The following ATP2C1 variants were observed in gnomAD, a reference collection of about 807,000 sequenced individuals.
ATP2C1 encodes calcium-transporting ATPase type 2C member 1.
ATP2C1 carries 31 observed loss-of-function variants against 120.5 expected under a neutral mutation model. That is an observed-to-expected ratio of 0.26 (90% CI 0.19 to 0.35). ATP2C1 has a LOEUF of 0.35. Among genes scored for constraint, ATP2C1 ranks in the 10% least tolerant of loss-of-function variants. The probability of loss-of-function intolerance (pLI) is 1.00; values close to 1 mark genes in which losing one functional copy is unlikely to be tolerated. For synonymous variants in ATP2C1, 351 were observed against 358.7 expected (o/e 0.98, Z 0.24); for missense variants, 731 against 1,107.5 (o/e 0.66, Z 4.83).
chr3:130,976,691 A>T (rs764719721), intron 18 of ATP2C1, among the ~76,000 whole-genome samples: 2 of 152,190 alleles, frequency 1.3e-5, no homozygotes, highest in Non-Finnish European at 2.9e-5. Context: ...CATGCCCTGG[A>T]TCCCCCCACC....
intron 26 of ATP2C1, among the ~76,000 whole-genome samples, chr3:131,010,712 T>A (rs933023234): frequency 2.6e-5 from 4 of 152,242 alleles, no homozygotes; most frequent in Admixed American, 2.6e-4. Context: ...TGGCTACGGC[T>A]GGAGTTGCTA....
At chr3:130,888,356 G>A (rs2069049260) in intron 1 of ATP2C1, among the ~76,000 whole-genome samples, 1 of 152,170 alleles carries the variant, frequency 6.6e-6, no homozygotes, top group South Asian at 2.1e-4. Context: ...TACCACCCTA[G>A]TCCAGTGGCT....
At chr3:130,924,797 T>G (rs374687467) in intron 2 of ATP2C1, among the ~76,000 whole-genome samples, 16 of 152,054 alleles carry the variant, frequency 1.1e-4, no homozygotes, top group East Asian at 5.8e-4. Context: ...CTTGGCAGAT[T>G]GGGTTAATTC....
At chr3:131,013,457 T>A (rs1323078260) in intron 26 of ATP2C1, among the ~76,000 whole-genome samples, 2 of 152,254 alleles carry the variant, frequency 1.3e-5, no homozygotes, top group African/African-American at 2.4e-5. Flanking sequence ...TCTCACTGTT[T>A]CCTCCTTCTC....
intron 1 of ATP2C1, among the ~76,000 whole-genome samples, chr3:130,865,663 A>T (rs2068150566): frequency 6.6e-6 from 1 of 152,168 alleles, no homozygotes; most frequent in Non-Finnish European, 1.5e-5. Context: ...ACAAGGTCTG[A>T]TGGGTTTATC....
chr3:130,957,638 C>G (rs1459676728), intron 11 of ATP2C1, among the ~76,000 whole-genome samples: 2 of 152,092 alleles, frequency 1.3e-5, no homozygotes, highest in African/African-American at 4.8e-5. Context: ...CCTCCACCTC[C>G]TGGGGTTCAA....
intron 26 of ATP2C1, 101 bp downstream of exon 26, chr3:130,998,490 T>G: frequency 1.1e-6 from 1 of 909,600 alleles, no homozygotes; most frequent in East Asian, 2.5e-5. Flanking sequence ...CTTTGCTTAA[T>G]TTTGTAGCCA....
rs2059851143 is a variant in ATP2C1 at position 130,940,644 on chromosome 3, A to G, written c.375A>G (p.Glu125=). 2.5e-6 allele frequency: 4 copies of G among 1,611,902 alleles called. No individual in the cohort carries two copies. The East Asian group carries it at 8.9e-5, about 36-fold the overall frequency. Residue 125 remains glutamate (E), a synonymous_variant, in exon 7 of 28, where the codon GAA becomes GAG. Transcript: ENST00000510168. The part of the protein sequence containing the change: ...TVAFVQEYRS[E]KSLEELSKLV... ...TGTTTGAATAGGAATATCGTTCAGA[A>G]AAATCTCTTGAAGAATTGAGTAAAC... is the stretch of plus-strand genomic sequence containing the variant.
chr3:130,974,664 G>A (rs575383487), intron 17 of ATP2C1, among the ~76,000 whole-genome samples: 225 of 151,754 alleles, frequency 1.5e-3, no homozygotes, highest in Middle Eastern at 3.4e-3. Context: ...GGGGAGGGGG[G>A]GAATAGATAG....
chr3:130,909,709 A>G (rs180938102), intron 2 of ATP2C1, among the ~76,000 whole-genome samples: 8 of 152,316 alleles, frequency 5.3e-5, no homozygotes, highest in African/African-American at 1.7e-4. Flanking sequence ...CTTTTTAGCA[A>G]CAGGTTTACA....
upstream of ATP2C1, among the ~76,000 whole-genome samples, chr3:130,889,638 CTTTTTTTTTTTT>C (rs1170424148): frequency 1.4e-4 from 11 of 77,650 alleles, no homozygotes; most frequent in African/African-American, 6.1e-4. Context: ...ATTCTTTAAA[CTTTTTTTTTTTT>C]TTTTTTTTTT....
At chr3:130,945,882 AGATGGAAAAAGGTTGT>A (rs919718135) in intron 8 of ATP2C1, among the ~76,000 whole-genome samples, 2 of 151,348 alleles carry the variant, frequency 1.3e-5, no homozygotes, top group African/African-American at 4.8e-5. Context: ...CGTGAGGGTC[AGATGGAAAAAGGTTGT>A]GGGTTTTTTT....
chr3:130,939,640 G>C (rs16835428), intron 6 of ATP2C1, among the ~76,000 whole-genome samples: 4,657 of 152,186 alleles, frequency 0.031, 227 homozygotes, highest in African/African-American at 0.1. Context: ...GAATTTTTGG[G>C]TAAACTTCCA....
chr3:130,982,705 T>A (rs983677917), intron 20 of ATP2C1, among the ~76,000 whole-genome samples: 1 of 152,246 alleles, frequency 6.6e-6, no homozygotes, highest in Non-Finnish European at 1.5e-5. Context: ...TCAAGTTATA[T>A]ATTCAGAATG....
intron 20 of ATP2C1, among the ~76,000 whole-genome samples, chr3:130,984,006 A>G (rs1046802236): frequency 6.6e-6 from 1 of 152,190 alleles, no homozygotes; most frequent in East Asian, 1.9e-4. Context: ...TAAGTTTTCA[A>G]TTCATTTGGG....
intron 17 of ATP2C1, among the ~76,000 whole-genome samples, chr3:130,973,823 A>C (rs888620098): frequency 6.6e-5 from 10 of 152,196 alleles, no homozygotes; most frequent in Non-Finnish European, 1.0e-4. Flanking sequence ...AGCCTTCAAA[A>C]TGAGAGGAAA....
intron 2 of ATP2C1, among the ~76,000 whole-genome samples, chr3:130,895,289 A>G (rs562794699): frequency 2.0e-5 from 3 of 152,242 alleles, no homozygotes; most frequent in Non-Finnish European, 4.4e-5. Context: ...ATTTAATGAA[A>G]TGTTATGAGA....
At chr3:130,913,507 T>C (rs1326291766) in intron 2 of ATP2C1, among the ~76,000 whole-genome samples, 1 of 152,204 alleles carries the variant, frequency 6.6e-6, no homozygotes, top group Non-Finnish European at 1.5e-5. Flanking sequence ...TAAAATGTCT[T>C]GTTGGCATCA....
chr3:130,974,728 C>A (rs1410701411), intron 17 of ATP2C1, among the ~76,000 whole-genome samples: 5 of 152,054 alleles, frequency 3.3e-5, no homozygotes, highest in African/African-American at 4.8e-5. Flanking sequence ...AAATTGATAA[C>A]TGATGGAGTA....
Sources: gnomAD v4.1 joint callset for allele counts (sites outside exome capture counted in the v4.1 genomes callset) on GRCh38, gnomAD v4.1.1 for gene constraint, MANE v1.5 for transcripts, NCBI Gene and HGNC (gene_info 2026-07-23, HGNC 2026-07-21) for gene names.